The following CA10 variants were observed in gnomAD, a reference collection of about 807,000 sequenced individuals.
The protein encoded by CA10 is carbonic anhydrase-related protein 10.
CA10 carries 14 observed loss-of-function variants against 44.2 expected under a neutral mutation model. The observed-to-expected ratio is 0.32, with a 90% CI of 0.21 to 0.50. The LOEUF is 0.50. Among genes scored for constraint, CA10 ranks in the 20% least tolerant of loss-of-function variants. CA10 has a pLI of 0.99. For synonymous variants in CA10, 159 were observed against 141.6 expected (o/e 1.12, Z -0.87); for missense variants, 350 against 409.7 (o/e 0.85, Z 1.26).
intron 3 of CA10, among the ~76,000 whole-genome samples, chr17:51,801,481 G>A (rs1906928331): frequency 1.3e-5 from 2 of 151,112 alleles, no homozygotes; most frequent in Admixed American, 6.6e-5. Flanking sequence ...TCACACTAGA[G>A]GAAAAAAATT....
chr17:51,904,545 T>G (rs1010464326), intron 3 of CA10, among the ~76,000 whole-genome samples: 2 of 152,236 alleles, frequency 1.3e-5, no homozygotes, highest in African/African-American at 4.8e-5. Context: ...CTAGGGATTT[T>G]TCACCAGAGT....
At chr17:51,943,506 C>T (rs529097536) in intron 2 of CA10, among the ~76,000 whole-genome samples, 2 of 152,274 alleles carry the variant, frequency 1.3e-5, no homozygotes, top group East Asian at 3.9e-4. Context: ...TCTGGCACTC[C>T]TCAACACCTT....
chr17:52,125,889 A>G (rs1989107887), intron 1 of CA10, among the ~76,000 whole-genome samples: 1 of 152,100 alleles, frequency 6.6e-6, no homozygotes, highest in Non-Finnish European at 1.5e-5. Context: ...ATGTGGTGGA[A>G]AGAATGCTGG....
In CA10 at chr17:52,022,566, A is replaced by T. The variant is rs77383669; in HGVS notation, c.136+49753T>A. On this transcript the variant is annotated intron_variant, in intron 2 of 8. Coordinates refer to ENST00000451037, the MANE Select transcript of CA10 (RefSeq NM_020178.5). ...ATAACTAGAACAAGACAAGGATGCC[A>T]TTCTAACCACTCCTATTCTACTGAG... Among the ~76,000 whole-genome samples, 138 of 152,218 alleles carry T rather than the reference A, an allele frequency of 9.1e-4. 2 individuals carry two copies. The highest frequency in any genetic ancestry group is 3.1e-3 in the African/African-American group (129 of 41,560).
intron 2 of CA10, among the ~76,000 whole-genome samples, chr17:51,963,824 A>T (rs1983981505): frequency 6.6e-6 from 1 of 152,210 alleles, no homozygotes; most frequent in Non-Finnish European, 1.5e-5. Flanking sequence ...ACCTAAGTGC[A>T]TATCTCACAG....
intron 2 of CA10, among the ~76,000 whole-genome samples, chr17:52,066,511 G>A (rs979639958): frequency 6.6e-6 from 1 of 152,172 alleles, no homozygotes; most frequent in Non-Finnish European, 1.5e-5. Flanking sequence ...TGAGTCTCAT[G>A]AGATCTGATG....
In CA10 at chr17:51,760,068, G is replaced by A. The variant is rs556818287; in HGVS notation, c.280-12250C>T. ...ACAGGGCTTCAGGCAAATAACTCCC[G>A]ATCTCCAGTTATTTTATCTCCAAAG... On this transcript the variant is annotated intron_variant, in intron 3 of 8. Coordinates refer to ENST00000451037, the MANE Select transcript of CA10 (RefSeq NM_020178.5). 2.8e-4 allele frequency among the ~76,000 whole-genome samples: 43 copies of A among 152,198 alleles called. No individual in the cohort carries two copies. In the South Asian group the frequency reaches 6.0e-3, roughly 21 times the overall value.
At chr17:52,001,982 T>C (rs1215202933) in intron 2 of CA10, among the ~76,000 whole-genome samples, 1 of 151,786 alleles carries the variant, frequency 6.6e-6, no homozygotes, top group East Asian at 2.0e-4. Flanking sequence ...AGGTCAAAAA[T>C]AAGGAGGGGC....
chr17:51,887,710 C>A (rs1456799516), intron 3 of CA10, among the ~76,000 whole-genome samples: 1 of 151,820 alleles, frequency 6.6e-6, no homozygotes, highest in Non-Finnish European at 1.5e-5. Context: ...CACTTGTAAC[C>A]CCAGCACTTT....
At chr17:51,778,983 G>T (rs1370404665) in intron 3 of CA10, among the ~76,000 whole-genome samples, 3 of 152,154 alleles carry the variant, frequency 2.0e-5, no homozygotes, top group Non-Finnish European at 4.4e-5. Flanking sequence ...AGCTGAATTA[G>T]CACCATTTTA....
chr17:51,705,409 C>T (rs1162342200), intron 4 of CA10, among the ~76,000 whole-genome samples: 1 of 152,124 alleles, frequency 6.6e-6, no homozygotes, highest in Non-Finnish European at 1.5e-5. Context: ...TCTGGCTGCC[C>T]CACCAGCTTA....
chr17:51,797,275 G>A (rs1906745823), intron 3 of CA10, among the ~76,000 whole-genome samples: 1 of 152,218 alleles, frequency 6.6e-6, no homozygotes, highest in Non-Finnish European at 1.5e-5. Context: ...GTGTGCTGCT[G>A]TTTCTGTGGA....
chr17:52,031,701 TAAGTA>T (rs1005241512), intron 2 of CA10, among the ~76,000 whole-genome samples: 1 of 152,170 alleles, frequency 6.6e-6, no homozygotes, highest in African/African-American at 2.4e-5. Context: ...AAGACAATAA[TAAGTA>T]AAGAGTTCTT....
intron 4 of CA10, among the ~76,000 whole-genome samples, chr17:51,677,454 C>A (rs1330261287): frequency 1.3e-5 from 2 of 151,976 alleles, no homozygotes; most frequent in Non-Finnish European, 2.9e-5. Flanking sequence ...TTTCCTGAGG[C>A]CCCCCCAGAA....
At chr17:51,662,048 T>C (rs997074929) in intron 4 of CA10, among the ~76,000 whole-genome samples, 1 of 152,190 alleles carries the variant, frequency 6.6e-6, no homozygotes, top group Non-Finnish European at 1.5e-5. Context: ...CCGCTGCTAG[T>C]TTAAATTTGG....
intron 2 of CA10, among the ~76,000 whole-genome samples, chr17:51,964,493 A>T (rs1984006795): frequency 6.6e-6 from 1 of 152,064 alleles, no homozygotes; most frequent in African/African-American, 2.4e-5. Context: ...AACAAGATTG[A>T]CCACATTCTT....
At chr17:51,961,764 G>A (rs1381320955) in intron 2 of CA10, among the ~76,000 whole-genome samples, 4 of 152,182 alleles carry the variant, frequency 2.6e-5, no homozygotes, top group Admixed American at 6.5e-5. Context: ...GGGAGGTAGT[G>A]GTCACCTGGA....
intron 3 of CA10, among the ~76,000 whole-genome samples, chr17:51,778,514 C>G (rs1175204319): frequency 6.6e-6 from 1 of 152,230 alleles, no homozygotes; most frequent in Non-Finnish European, 1.5e-5. Flanking sequence ...CAGGATTTAA[C>G]ACTTTGCTAG....
Position 51,776,332 on chromosome 17 carries a change from G to A in CA10, c.280-28514C>T, listed in dbSNP as rs998278939. ...GGAGATTGTAGTGGGTTGAGAATGCGCCACTGCACCCCAGCCTCAGCAACG... is the reference window on the plus strand; with the variant it reads ...GGAGATTGTAGTGGGTTGAGAATGCACCACTGCACCCCAGCCTCAGCAACG... On this transcript the variant is annotated intron_variant, in intron 3 of 8. Transcript: ENST00000451037. 2.5e-4 allele frequency among the ~76,000 whole-genome samples: 38 copies of A among 151,962 alleles called. 1 individual carries two copies. The highest frequency in any genetic ancestry group is 2.0e-3 in the Admixed American group (30 of 15,246).
Sources: allele counts gnomAD v4.1 joint callset (sites outside exome capture counted in the v4.1 genomes callset), GRCh38; gene constraint gnomAD v4.1.1; transcripts MANE v1.5; gene names NCBI Gene and HGNC (gene_info 2026-07-23, HGNC 2026-07-21).